Variants in PLTP observed in about 807,000 individuals in gnomAD.
The protein encoded by PLTP is phospholipid transfer protein.
In PLTP, 43 loss-of-function variants were observed where a neutral mutation model predicts 54.1. The observed-to-expected ratio is 0.79, with a 90% CI of 0.62 to 1.02. PLTP has a LOEUF of 1.02. PLTP is among the 50% of genes least tolerant of loss of function. PLTP has a pLI of 0.00. For synonymous variants in PLTP, 263 were observed against 264.6 expected (o/e 0.99, Z 0.06); for missense variants, 604 against 645.9 (o/e 0.94, Z 0.70).
intron 4 of PLTP, 77 bp downstream of exon 4, chr20:45,909,865 G>A: frequency 6.4e-7 from 1 of 1,573,054 alleles, no homozygotes. Context: ...GAAGGCTAAG[G>A]GGGCTGCCCA....
intron 12 of PLTP, among the ~76,000 whole-genome samples, chr20:45,901,817 TA>T (rs1220896312): frequency 2.4e-4 from 35 of 148,658 alleles, no homozygotes; most frequent in Admixed American, 2.2e-3. Flanking sequence ...CAGAATTGCC[TA>T]AACCCGGGAG....
At chr20:45,902,134 T>G in intron 12 of PLTP, 133 bp downstream of exon 12, 5 of 917,362 alleles carry the variant, frequency 5.5e-6, no homozygotes, top group Non-Finnish European at 8.7e-6. Context: ...CAAAGCACTT[T>G]GGCATGCATT....
intron 3 of PLTP, chr20:45,910,739 C>T: frequency 1.3e-6 from 1 of 799,952 alleles, no homozygotes; most frequent in Non-Finnish European, 1.6e-6. Flanking sequence ...CTCCGTCTCA[C>T]ATCTCAATTC....
rs1180520733 is a variant in PLTP, at chr20:45,899,841, G to T, written c.1213C>A (p.Leu405Met). Residue 405 changes from leucine (L) to methionine (M), a missense_variant, in exon 13 of 16, where the codon CTG becomes ATG. Coordinates refer to ENST00000372431, the MANE Select transcript of PLTP (RefSeq NM_006227.4). ...IYSNHSALESLALIPLQAPLK... is the reference protein window; with the variant it reads ...IYSNHSALESMALIPLQAPLK... ...ACCCACCCTTCCCCACTCACAGCCA[G>T]CGACTCCAGTGCAGAATGGTTGGAA... 2.3e-6 allele frequency: 2 copies of T among 876,772 alleles called. No homozygotes were observed. Among genetic ancestry groups the T allele is most frequent in the Admixed American group, 5.8e-5 (2 of 34,730 alleles). 54.3% of individuals were successfully genotyped at this position (876,772 alleles called of 1,614,324 possible).
Position 45,902,444 on chromosome 20 carries a change from G to A in PLTP, c.1103C>T (p.Thr368Ile). 6.2e-7 allele frequency: 1 copy of A among 1,614,244 alleles called. No individual in the cohort carries two copies. Among genetic ancestry groups the A allele is most frequent in the Non-Finnish European group, 8.5e-7 (1 of 1,180,024 alleles). Reference sequence around the variant, plus strand: ...CCCCCACTCTGGGACCCGTACCATAGTCATGCTGGACAGCTGGACCTCAGG... The same window carrying A: ...CCCCCACTCTGGGACCCGTACCATAATCATGCTGGACAGCTGGACCTCAGG... ...DQPEVQLSSMTMDARLSAKMA... is the reference protein window; with the variant it reads ...DQPEVQLSSMIMDARLSAKMA... Residue 368 changes from threonine (T) to isoleucine (I), a missense_variant, in exon 11 of 16, where the codon ACT (threonine) becomes ATT (isoleucine). Transcript: ENST00000372431.
intron 1 of PLTP, 114 bp from the exon 2 acceptor site, chr20:45,911,577 G>A: frequency 7.1e-7 from 1 of 1,399,824 alleles, no homozygotes; most frequent in Non-Finnish European, 9.8e-7. Context: ...AACTCTTCGG[G>A]GAACTTGGAA....
Position 45,907,732 on chromosome 20 carries a change from T to C in PLTP, c.573A>G (p.Ala191=). ...NQQICPVLYH[A]GTVLLNSLLD... is the part of the protein sequence containing the mutation. ...GGAGGGAGTTGAGCAGGACCGTCCC[T>C]GCGTGGTAGAGGACAGGGCAGATCT... The change falls in exon 7 of 16, where the codon GCA becomes GCG. Residue 191 remains alanine (A), a synonymous_variant. Coordinates refer to ENST00000372431, the MANE Select transcript of PLTP (RefSeq NM_006227.4). The C allele has an allele frequency of 1.9e-6, 3 of 1,613,830 alleles. No individual in the cohort carries two copies. The highest frequency in any genetic ancestry group is 2.2e-5 in the South Asian group (2 of 90,912).
chr20:45,901,528 A>G (rs1601156360), intron 12 of PLTP, among the ~76,000 whole-genome samples: 1 of 152,318 alleles, frequency 6.6e-6, no homozygotes, highest in East Asian at 1.9e-4. Flanking sequence ...CAGGAGGTCA[A>G]GGCTGCAGTG....
chr20:45,906,769 T>C (rs2083243282), intron 7 of PLTP, among the ~76,000 whole-genome samples: 1 of 126,470 alleles, frequency 7.9e-6, no homozygotes, highest in African/African-American at 2.6e-5. Flanking sequence ...TGGGCGCCTG[T>C]AATCCCAGCT....
chr20:45,899,419 G>C (rs2083152332), intron 15 of PLTP, 43 bp downstream of exon 15: 4 of 1,592,866 alleles, frequency 2.5e-6, no homozygotes, highest in Non-Finnish European at 2.6e-6. Context: ...GCTATAGAGA[G>C]AGGGGAAGGC....
At position 45,899,018 on chromosome 20, in the gene PLTP, G is replaced by T; in HGVS notation, c.1405C>A (p.Arg469=). The change falls in exon 16 of 16, where the codon CGA becomes AGA. Residue 469 remains arginine, a synonymous_variant. Coordinates refer to ENST00000372431, the MANE Select transcript of PLTP (RefSeq NM_006227.4). ...GADLHFAKGL[R]EVIEKNRPAD... is the part of the protein sequence containing the mutation. ...GGCCGGTTCTTCTCAATCACCTCTC[G>T]CAGCCCTTTGGCAAAGTGGAGATCA... 1 of 1,614,150 alleles carries T rather than the reference G, an allele frequency of 6.2e-7. No homozygotes were observed. The highest frequency in any genetic ancestry group is 2.2e-5 in the East Asian group (1 of 44,876).
intron 5 of PLTP, among the ~76,000 whole-genome samples, chr20:45,908,954 T>C (rs1175918967): frequency 6.7e-6 from 1 of 149,714 alleles, no homozygotes. Context: ...TGCCAGGTGC[T>C]GTTCTAAATT....
chr20:45,910,674 G>A (rs1310083727), intron 3 of PLTP, among the ~76,000 whole-genome samples: 5 of 150,822 alleles, frequency 3.3e-5, no homozygotes, highest in Admixed American at 6.6e-5. Flanking sequence ...ACACCCTGGG[G>A]TTGCTACACC....
rs200022812 is a variant in PLTP at position 45,902,564 on chromosome 20, C to T, written c.983G>A (p.Arg328Gln). Residue 328 changes from arginine to glutamine, a missense_variant, in exon 11 of 16, where the codon CGG becomes CAG. By Grantham distance (43) the Arg-to-Gln change is conservative. Coordinates refer to ENST00000372431, the MANE Select transcript of PLTP (RefSeq NM_006227.4). ...GGTGCAGCGCGGTGGGGCCAGGACC[C>T]GCAGCTCCAGCTTCAATGGGGAGTC... is the stretch of plus-strand genomic sequence containing the variant. ...VIDSPLKLEL[R>Q]VLAPPRCTIK... The T allele has an allele frequency of 2.4e-4, 382 of 1,613,604 alleles. 1 individual carries two copies. In the Middle Eastern group the frequency reaches 4.6e-3, roughly 19 times the overall value.
intron 12 of PLTP, among the ~76,000 whole-genome samples, chr20:45,900,229 C>T (rs764930245): frequency 4.6e-5 from 7 of 151,018 alleles, no homozygotes; most frequent in South Asian, 2.1e-4. Context: ...CTCAGCCTCC[C>T]GAGTAACTGG....
At chr20:45,902,712 C>A in intron 10 of PLTP, 108 bp from the exon 11 acceptor site, 1 of 1,168,960 alleles carries the variant, frequency 8.6e-7, no homozygotes. Context: ...TGGGGACTCT[C>A]ATATTGCAAA....
At position 45,909,739 on chromosome 20, in the gene PLTP, C is replaced by A. The variant is rs994050418; in HGVS notation, c.330-68G>T. 28 of 1,556,044 alleles carry A rather than the reference C, an allele frequency of 1.8e-5. No individual in the cohort carries two copies. The African/African-American group carries it at 3.5e-4, about 20-fold the overall frequency. On this transcript the variant is annotated intron_variant, in intron 4 of 15. Coordinates refer to ENST00000372431, the MANE Select transcript of PLTP (RefSeq NM_006227.4). ...GAGTCTTCAGTGCCCCCATGCATCA[C>A]CATACCTCTTAATAAGGTTTCACCT...
chr20:45,905,182 G>A, intron 8 of PLTP, 64 bp from the exon 9 acceptor site: 1 of 1,460,380 alleles, frequency 6.8e-7, no homozygotes, highest in Non-Finnish European at 9.6e-7. Flanking sequence ...CTGACAGCAG[G>A]TGTCTCCCAG....
At position 45,911,406 on chromosome 20, in the gene PLTP, T is replaced by C. The variant is rs11544246; in HGVS notation, c.47A>G (p.His16Arg). ...ALFLALLAGA[H>R]AEFPGCKIRV... The stretch of plus-strand genomic sequence containing the variant: ...GATCTTGCAGCCTGGGAACTCTGCA[T>C]GTGCGCCTGCCAGCAGCGCTAGGAA... Residue 16 changes from histidine (H) to arginine (R), a missense_variant, in exon 2 of 16, where the codon CAT becomes CGT. Coordinates refer to ENST00000372431, the MANE Select transcript of PLTP (RefSeq NM_006227.4). 393 of 1,609,224 alleles carry C rather than the reference T, an allele frequency of 2.4e-4. 1 individual carries two copies. The African/African-American group carries it at 4.9e-3, about 20-fold the overall frequency.
Sources: allele counts gnomAD v4.1 joint callset (sites outside exome capture counted in the v4.1 genomes callset), GRCh38; gene constraint gnomAD v4.1.1; transcripts MANE v1.5; gene names NCBI Gene and HGNC (gene_info 2026-07-23, HGNC 2026-07-21).